The following MAP2 variants were observed in gnomAD, a reference collection of about 807,000 sequenced individuals.
The protein encoded by MAP2 is microtubule-associated protein 2.
Under a neutral mutation model 137.6 loss-of-function variants are expected in MAP2, and 14 were observed. The ratio of observed to expected loss-of-function variants is 0.10; its 90% confidence interval spans 0.07 to 0.16. The LOEUF is 0.16. MAP2 is among the 10% of genes least tolerant of loss of function. The probability of loss-of-function intolerance (pLI) is 1.00; values close to 1 mark genes in which losing one functional copy is unlikely to be tolerated. For synonymous variants in MAP2, 786 were observed against 782.3 expected, an observed-to-expected ratio of 1.00 and a Z score of -0.08; for missense variants, 2,088 against 2,191.5, an observed-to-expected ratio of 0.95 and a Z score of 0.94.
intron 1 of MAP2, among the ~76,000 whole-genome samples, chr2:209,477,639 C>A (rs942038500): frequency 1.3e-5 from 2 of 152,094 alleles, no homozygotes; most frequent in African/African-American, 4.8e-5. Context: ...CTCTCTCTCC[C>A]CTTCTCTGCA....
At chr2:209,710,546 A>T (rs1445429275) in intron 13 of MAP2, 1 of 276,948 alleles carries the variant, frequency 3.6e-6, no homozygotes, top group Admixed American at 4.9e-5. Context: ...TGTGTTTTTT[A>T]ACTTGAGATT....
intron 3 of MAP2, among the ~76,000 whole-genome samples, chr2:209,624,731 G>T (rs2091965597): frequency 6.6e-6 from 1 of 152,118 alleles, no homozygotes; most frequent in Non-Finnish European, 1.5e-5. Context: ...ATGATTGTCT[G>T]CTATTTATTA....
chr2:209,555,764 T>C (rs2070415062), intron 2 of MAP2, among the ~76,000 whole-genome samples: 2 of 152,142 alleles, frequency 1.3e-5, no homozygotes, highest in South Asian at 2.1e-4. Flanking sequence ...ATATCAAAAG[T>C]CTAGCCAGGA....
At chr2:209,517,665 C>A (rs909240343) in intron 2 of MAP2, among the ~76,000 whole-genome samples, 1 of 151,766 alleles carries the variant, frequency 6.6e-6, no homozygotes, top group Non-Finnish European at 1.5e-5. Context: ...AAATGGTATC[C>A]CACATAGATA....
chr2:209,425,025 C>T (rs1014064656), intron 1 of MAP2, among the ~76,000 whole-genome samples: 3 of 151,702 alleles, frequency 2.0e-5, no homozygotes, highest in African/African-American at 7.3e-5. Flanking sequence ...CTTCCCCCAC[C>T]TCGTCTTTTG....
At chr2:209,428,759 A>G (rs893742893) in intron 1 of MAP2, among the ~76,000 whole-genome samples, 1 of 151,860 alleles carries the variant, frequency 6.6e-6, no homozygotes, top group Non-Finnish European at 1.5e-5. Context: ...CCAATCTTTC[A>G]TAACGCTTTG....
At chr2:209,556,326 G>C (rs185591943) in intron 2 of MAP2, among the ~76,000 whole-genome samples, 4 of 152,226 alleles carry the variant, frequency 2.6e-5, no homozygotes, top group African/African-American at 9.6e-5. Flanking sequence ...TTGTAGGCGC[G>C]AGCCACTGCA....
chr2:209,636,130 T>C (rs1314841868), intron 4 of MAP2, among the ~76,000 whole-genome samples: 1 of 152,154 alleles, frequency 6.6e-6, no homozygotes, highest in Non-Finnish European at 1.5e-5. Context: ...TACCATGTGC[T>C]CAGTAATTAC....
Position 209,695,640 on chromosome 2 carries a change from A to G in MAP2, c.3470A>G (p.Glu1157Gly). ...ADEGKKETSP[E>G]SSLIQDEIAV... Reference sequence around the variant, plus strand: ...GAGGGCAAGAAGGAAACATCTCCAGAATCATCTCTAATTCAAGATGAGATT... The same window carrying G: ...GAGGGCAAGAAGGAAACATCTCCAGGATCATCTCTAATTCAAGATGAGATT... Residue 1157 changes from glutamate (E) to glycine (G), a missense_variant, in exon 8 of 16, where the codon GAA becomes GGA. Around this residue, in one of 6 missense-constraint regions of MAP2, gnomAD observed 591 missense variants for 642.6 expected, o/e 0.92. Transcript: ENST00000682079. The G allele has an allele frequency of 6.2e-7, 1 of 1,614,108 alleles. No individual in the cohort carries two copies. The highest frequency in any genetic ancestry group is 8.5e-7 in the Non-Finnish European group (1 of 1,179,992).
At chr2:209,662,391 A>G (rs1054784624) in intron 5 of MAP2, among the ~76,000 whole-genome samples, 2 of 152,220 alleles carry the variant, frequency 1.3e-5, no homozygotes, top group African/African-American at 4.8e-5. Context: ...CATTTTAAAA[A>G]TTATTTTGTT....
At chr2:209,467,671 A>G (rs1373331190) in intron 1 of MAP2, among the ~76,000 whole-genome samples, 1 of 152,200 alleles carries the variant, frequency 6.6e-6, no homozygotes, top group East Asian at 1.9e-4. Context: ...CCTTGGAGTA[A>G]GAATTATTTA....
intron 1 of MAP2, among the ~76,000 whole-genome samples, chr2:209,493,223 C>T (rs1469490262): frequency 6.6e-6 from 1 of 152,074 alleles, no homozygotes. Flanking sequence ...AACTCGCTAG[C>T]CATATGCAGA....
intron 2 of MAP2, among the ~76,000 whole-genome samples, chr2:209,530,974 A>G (rs2065026105): frequency 6.6e-6 from 1 of 152,192 alleles, no homozygotes; most frequent in African/African-American, 2.4e-5. Flanking sequence ...TACAAACAGT[A>G]TATTTAGCTG....
intron 6 of MAP2, among the ~76,000 whole-genome samples, chr2:209,679,700 G>GT (rs796685444): frequency 1.3e-4 from 19 of 151,870 alleles, no homozygotes; most frequent in African/African-American, 4.1e-4. Flanking sequence ...AGTACTGTGG[G>GT]TTTTTTTAAT....
intron 2 of MAP2, among the ~76,000 whole-genome samples, chr2:209,526,208 C>G (rs566078488): frequency 6.6e-6 from 1 of 152,136 alleles, no homozygotes; most frequent in South Asian, 2.1e-4. Context: ...AAGTCCTATT[C>G]TTTTGAGCAT....
intron 2 of MAP2, among the ~76,000 whole-genome samples, chr2:209,557,547 A>G (rs2070976180): frequency 6.6e-6 from 1 of 152,196 alleles, no homozygotes; most frequent in Non-Finnish European, 1.5e-5. Flanking sequence ...AGCATCAGGC[A>G]TCACTGGAAG....
chr2:209,431,439 T>C (rs1694254198), intron 1 of MAP2, among the ~76,000 whole-genome samples: 2 of 152,188 alleles, frequency 1.3e-5, no homozygotes, highest in South Asian at 4.1e-4. Flanking sequence ...GAGTTACAAA[T>C]ACATTCTTTA....
chr2:209,641,688 G>A (rs1191006766), intron 4 of MAP2, among the ~76,000 whole-genome samples: 1 of 150,924 alleles, frequency 6.6e-6, no homozygotes, highest in African/African-American at 2.4e-5. Context: ...ACTGGTAGGG[G>A]TGGGGGGACT....
intron 1 of MAP2, among the ~76,000 whole-genome samples, chr2:209,496,409 T>G (rs1017022369): frequency 1.3e-5 from 2 of 152,228 alleles, no homozygotes; most frequent in Admixed American, 1.3e-4. Context: ...ATGAGCTGTC[T>G]AGACAACTTA....
Sources: gnomAD v4.1 joint callset for allele counts (sites outside exome capture counted in the v4.1 genomes callset) on GRCh38, gnomAD v4.1.1 for gene constraint, gnomAD v4.1.1 regional missense constraint, MANE v1.5 for transcripts, NCBI Gene and HGNC (gene_info 2026-07-23, HGNC 2026-07-21) for gene names.